The following PLEKHM2 variants were observed in gnomAD, a reference collection of about 807,000 sequenced individuals.
The protein encoded by PLEKHM2 is pleckstrin homology domain-containing family M member 2.
In PLEKHM2, 77 loss-of-function variants were observed where a neutral mutation model predicts 116.3. The ratio of observed to expected loss-of-function variants is 0.66; its 90% CI spans 0.55 to 0.80. The LOEUF is 0.80. Among genes scored for constraint, PLEKHM2 ranks in the 30% least tolerant of loss-of-function variants. The probability of loss-of-function intolerance (pLI) is 0.00; values close to 1 mark genes in which losing one functional copy is unlikely to be tolerated. For synonymous variants in PLEKHM2, 562 were observed against 571.0 expected (o/e 0.98, Z 0.22); for missense variants, 1,183 against 1,354.9 (o/e 0.87, Z 1.99).
chr1:15,689,879 C>T (rs1640853764), intron 1 of PLEKHM2, among the ~76,000 whole-genome samples: 1 of 152,120 alleles, frequency 6.6e-6, no homozygotes, highest in Non-Finnish European at 1.5e-5. Flanking sequence ...GCCTCAGCCT[C>T]CCAAGTAGCT....
At chr1:15,714,534 G>C (rs970972896) in intron 1 of PLEKHM2, among the ~76,000 whole-genome samples, 1 of 152,128 alleles carries the variant, frequency 6.6e-6, no homozygotes, top group African/African-American at 2.4e-5. Context: ...AGGAAGGGAA[G>C]GGAAGACCCT....
chr1:15,701,963 G>A (rs183091785), intron 1 of PLEKHM2, among the ~76,000 whole-genome samples: 285 of 152,286 alleles, frequency 1.9e-3, no homozygotes, highest in Non-Finnish European at 3.6e-3. Flanking sequence ...GGGGGTAGTC[G>A]TTATGGTGGC....
chr1:15,724,578 G>A (rs921239967), intron 7 of PLEKHM2, among the ~76,000 whole-genome samples: 11 of 152,092 alleles, frequency 7.2e-5, no homozygotes, highest in African/African-American at 2.4e-4. Context: ...AGGGGTGCTG[G>A]GGAGAAGCAG....
chr1:15,696,571 G>A (rs948983911), intron 1 of PLEKHM2, among the ~76,000 whole-genome samples: 17 of 152,034 alleles, frequency 1.1e-4, no homozygotes, highest in African/African-American at 3.9e-4. Flanking sequence ...GGCTGGTCTC[G>A]AACTCCTGAC....
At chr1:15,718,795 G>T (rs771793462) in intron 5 of PLEKHM2, among the ~76,000 whole-genome samples, 170 bp downstream of exon 5, 1 of 152,118 alleles carries the variant, frequency 6.6e-6, no homozygotes, top group Non-Finnish European at 1.5e-5. Flanking sequence ...AGGGTCCATC[G>T]AATTGAGTGA....
chr1:15,733,721 G>C, intron 19 of PLEKHM2, 76 bp from the exon 20 acceptor site: 1 of 1,512,298 alleles, frequency 6.6e-7, no homozygotes, highest in Non-Finnish European at 9.0e-7. Context: ...GCAGAGGCAG[G>C]CCTGGTGCCC....
rs199578594 is a variant in PLEKHM2 at position 15,731,941 on chromosome 1, G to A, written c.2518G>A (p.Ala840Thr). ...AGCCAACACCACGGATCGGCCCCAC[G>A]CCTTCCAGGTCATTCTCTCCGACCG... Reference protein sequence around the residue: ...RRANTTDRPHAFQVILSDRPC... With the variant: ...RRANTTDRPHTFQVILSDRPC... Residue 840 changes from alanine to threonine, a missense_variant, in exon 17 of 20, where the codon GCC becomes ACC. This residue lies in a region of PLEKHM2 where 594 missense variants were observed against 720.1 expected (regional missense o/e 0.82). Coordinates refer to ENST00000375799, the MANE Select transcript of PLEKHM2 (RefSeq NM_015164.4). 128 of 1,611,712 alleles carry A rather than the reference G, an allele frequency of 7.9e-5. No individual in the cohort carries two copies. In the Admixed American group the frequency reaches 1.8e-3, roughly 23 times the overall value.
intron 7 of PLEKHM2, among the ~76,000 whole-genome samples, chr1:15,723,744 C>CA (rs1056474462): frequency 0.013 from 957 of 75,258 alleles, 9 homozygotes; most frequent in East Asian, 0.06. Flanking sequence ...GACCCTGTCT[C>CA]AAAAAAAAAA....
At position 15,728,840 on chromosome 1, in the gene PLEKHM2, G is replaced by A; in HGVS notation, c.1986+107G>A. The A allele has an allele frequency of 1.9e-6, 2 of 1,076,122 alleles. No individual in the cohort carries two copies. Among genetic ancestry groups the A allele is most frequent in the Admixed American group, 2.1e-5 (1 of 48,062 alleles). The allele number at this position is 1,076,122 out of a possible 1,614,324, so 66.7% of individuals were successfully genotyped here. A position where few individuals can be genotyped will look rare whatever the true frequency, so the allele number is the denominator to read the frequency against. The stretch of plus-strand genomic sequence containing the variant: ...GCACGGCCCCTTACTCCCCTCCCGG[G>A]GTTGGGCACCAACTTAACTCTCAGA... On this transcript the variant is annotated intron_variant, in intron 12 of 19. Coordinates refer to ENST00000375799, the MANE Select transcript of PLEKHM2 (RefSeq NM_015164.4). The surrounding 1 kb of genome is among the most constrained non-coding windows in gnomAD (Gnocchi z 5.9).
intron 1 of PLEKHM2, among the ~76,000 whole-genome samples, chr1:15,701,521 G>A (rs1469081298): frequency 1.3e-5 from 2 of 152,182 alleles, no homozygotes; most frequent in Admixed American, 1.3e-4. Context: ...CGGGCACGGT[G>A]GCTCACGCCT....
At chr1:15,716,464 T>G (rs1641448670) in intron 2 of PLEKHM2, 121 bp downstream of exon 2, 4 of 713,008 alleles carry the variant, frequency 5.6e-6, no homozygotes, top group Non-Finnish European at 9.4e-6. Flanking sequence ...GAAAGGGATT[T>G]GTCCCACTCA....
intron 1 of PLEKHM2, among the ~76,000 whole-genome samples, chr1:15,696,901 G>GTAGAATAT (rs1382993188): frequency 6.6e-6 from 1 of 152,204 alleles, no homozygotes; most frequent in Non-Finnish European, 1.5e-5. Context: ...TTTTCAGCCT[G>GTAGAATAT]TAGAATATCT....
At chr1:15,695,779 C>T (rs921188368) in intron 1 of PLEKHM2, among the ~76,000 whole-genome samples, 22 of 152,094 alleles carry the variant, frequency 1.4e-4, no homozygotes, top group African/African-American at 5.3e-4. Context: ...GCTGGGATTA[C>T]AGGTGTGAGT....
At chr1:15,724,545 G>A (rs1013060408) in intron 7 of PLEKHM2, among the ~76,000 whole-genome samples, 1 of 152,020 alleles carries the variant, frequency 6.6e-6, no homozygotes, top group Non-Finnish European at 1.5e-5. Context: ...ACCTGGTCCT[G>A]CCCCCGAGGA....
chr1:15,730,820 G>A (rs2068132692), intron 15 of PLEKHM2, 98 bp downstream of exon 15: 2 of 979,756 alleles, frequency 2.0e-6, no homozygotes, highest in Admixed American at 5.0e-5. Flanking sequence ...GTCACTGAGG[G>A]AGCAGCCTGA....
At chr1:15,695,461 C>T (rs1640975338) in intron 1 of PLEKHM2, among the ~76,000 whole-genome samples, 1 of 152,138 alleles carries the variant, frequency 6.6e-6, no homozygotes, top group South Asian at 2.1e-4. Flanking sequence ...CTACAGTTGG[C>T]ATGTTTACAT....
intron 1 of PLEKHM2, among the ~76,000 whole-genome samples, chr1:15,701,140 G>T (rs899099141): frequency 1.4e-5 from 2 of 146,690 alleles, no homozygotes; most frequent in East Asian, 4.0e-4. Context: ...GGGGGTGGGG[G>T]TATGTTATTA....
At position 15,731,205 on chromosome 1, in the gene PLEKHM2, T is replaced by C. The variant is rs1479338759; in HGVS notation, c.2413T>C (p.Tyr805His). 1 of 1,598,700 alleles carries C rather than the reference T, an allele frequency of 6.3e-7. No individual in the cohort carries two copies. Among genetic ancestry groups the C allele is most frequent in the Non-Finnish European group, 8.5e-7 (1 of 1,172,478 alleles). The change falls in exon 16 of 20, where the codon TAC becomes CAC. Residue 805 changes from tyrosine (Y) to histidine (H), a missense_variant. By Grantham distance (83) the Tyr-to-His change is moderately conservative (BLOSUM62 2). Coordinates refer to ENST00000375799, the MANE Select transcript of PLEKHM2 (RefSeq NM_015164.4). Reference sequence around the variant, plus strand: ...GTGCCCCTGCAGCAACGGGATCCTCTACCAGTACCCGGACCGCACCGACGT... The same window carrying C: ...GTGCCCCTGCAGCAACGGGATCCTCCACCAGTACCCGGACCGCACCGACGT... ...CFVVLSNGIL[Y>H]QYPDRTDVIP...
At chr1:15,682,144 A>G (rs776349159), upstream of PLEKHM2, among the ~76,000 whole-genome samples, 34 of 151,732 alleles carry the variant, frequency 2.2e-4, no homozygotes, top group Non-Finnish European at 3.7e-4. Flanking sequence ...GTGAGCTATG[A>G]TCACACCCAC....
Sources: allele counts gnomAD v4.1 joint callset (sites outside exome capture counted in the v4.1 genomes callset), GRCh38; gene constraint gnomAD v4.1.1; regional missense constraint gnomAD v4.1.1; non-coding constraint Gnocchi (gnomAD v3.1); transcripts MANE v1.5; gene names NCBI Gene and HGNC (gene_info 2026-07-23, HGNC 2026-07-21).